PXDN: variants seen among roughly 807,000 people sequenced by gnomAD.
The protein encoded by PXDN is peroxidasin.
Under a neutral mutation model 140.3 loss-of-function variants are expected in PXDN, and 77 were observed. That is an observed-to-expected ratio of 0.55 (90% CI 0.46 to 0.66). PXDN has a LOEUF of 0.66. Ranked by LOEUF, PXDN falls within the 30% of genes least tolerant of loss-of-function variation. The probability of loss-of-function intolerance (pLI) is 0.00; values close to 1 mark genes in which losing one functional copy is unlikely to be tolerated. For synonymous variants in PXDN, 911 were observed against 857.4 expected, an observed-to-expected ratio of 1.06 and a Z score of -1.09; for missense variants, 1,838 against 2,039.5, an observed-to-expected ratio of 0.90 and a Z score of 1.90.
At chr2:1,670,692 A>G (rs1322075720) in intron 9 of PXDN, among the ~76,000 whole-genome samples, 1 of 152,188 alleles carries the variant, frequency 6.6e-6, no homozygotes, top group Non-Finnish European at 1.5e-5. Flanking sequence ...GCAGACCCTT[A>G]TAACTTAAAT....
At chr2:1,741,078 C>A (rs1371250186) in intron 1 of PXDN, among the ~76,000 whole-genome samples, 2 of 152,108 alleles carry the variant, frequency 1.3e-5, no homozygotes, top group Non-Finnish European at 2.9e-5. Context: ...ACCGTGGCGG[C>A]TCCAGGGAAG....
rs2125446891 is a variant in PXDN at position 1,687,387 on chromosome 2, TGCC to T, written c.416+242_416+244del. Among the ~76,000 whole-genome samples, 1 of 150,972 alleles carries T rather than the reference TGCC, an allele frequency of 6.6e-6. No homozygotes were observed. The highest frequency in any genetic ancestry group is 2.0e-4 in the East Asian group (1 of 5,112). Reference sequence around the variant, plus strand: ...CAGGAAAGCATGGCCCAGGGCCTGGTGCCGCCGTAAGGAAACCAGGGATACGTC... The same window carrying T: ...CAGGAAAGCATGGCCCAGGGCCTGGTGCCGTAAGGAAACCAGGGATACGTC... On this transcript the variant is annotated intron_variant, in intron 4 of 22. Transcript: ENST00000252804. The surrounding 1 kb of genome is among the most constrained non-coding windows in gnomAD (Gnocchi z 4.0).
At chr2:1,682,814 C>T (rs895455300) in intron 6 of PXDN, among the ~76,000 whole-genome samples, 3 of 152,104 alleles carry the variant, frequency 2.0e-5, no homozygotes, top group South Asian at 2.1e-4. Flanking sequence ...GTCGCACGCG[C>T]CTGTAATCCC....
chr2:1,666,526 G>T (rs369591666), intron 9 of PXDN, 40 bp from the exon 10 acceptor site: 1 of 1,540,692 alleles, frequency 6.5e-7, no homozygotes, highest in South Asian at 1.3e-5. Context: ...AATTTCTCCC[G>T]GTTTGACATG....
At chr2:1,643,006 C>T (rs1682763954) in intron 19 of PXDN, among the ~76,000 whole-genome samples, 2 of 152,198 alleles carry the variant, frequency 1.3e-5, no homozygotes, top group East Asian at 3.8e-4. Flanking sequence ...ATGCTTCTTC[C>T]ATATTTTGAT....
At chr2:1,729,045 T>C (rs1409382603) in intron 1 of PXDN, among the ~76,000 whole-genome samples, 1 of 152,064 alleles carries the variant, frequency 6.6e-6, no homozygotes, top group Admixed American at 6.6e-5. Flanking sequence ...CCGGTGTGAC[T>C]ATGGGTCTGG....
chr2:1,721,428 A>T (rs1201377151), intron 1 of PXDN, among the ~76,000 whole-genome samples: 1 of 152,224 alleles, frequency 6.6e-6, no homozygotes, highest in African/African-American at 2.4e-5. Flanking sequence ...CTGGGCATTC[A>T]TCCAGGATTC....
In PXDN at chr2:1,651,299, G is replaced by A. The variant is rs938660495; in HGVS notation, c.2105-1624C>T. ...TTCCTCCAGAATGTTCACTTTTTCC[G>A]TGGCGTTGGCCATTGGTTCAGAGGC... On this transcript the variant is annotated intron_variant, in intron 16 of 22. Transcript: ENST00000252804. This position sits in a 1 kb window ranked among gnomAD's most constrained non-coding sequence, Gnocchi z 4.4. Among the ~76,000 whole-genome samples, 1 of 152,134 alleles carries A rather than the reference G, an allele frequency of 6.6e-6. No homozygotes were observed. The highest frequency in any genetic ancestry group is 2.4e-5 in the African/African-American group (1 of 41,412).
chr2:1,653,769 T>A lies in PXDN; in HGVS notation c.1963A>T (p.Asn655Tyr). ...HLFDSRPRSP[N>Y]DLLALFRYPR... ...TACCGGAACAAGGCCAGCAAATCAT[T>A]TGGAGAACGAGGACGGCTAACCAGA... The change falls in exon 16 of 23, where the codon AAT becomes TAT. Residue 655 changes from asparagine (N) to tyrosine (Y), a missense_variant. By Grantham distance (143) the Asn-to-Tyr change is moderately radical. This residue lies in a region of PXDN where 537 missense variants were observed against 583.9 expected (regional missense o/e 0.92). Transcript: ENST00000252804. 1 of 1,579,970 alleles carries A rather than the reference T, an allele frequency of 6.3e-7. No individual in the cohort carries two copies. Among genetic ancestry groups the A allele is most frequent in the East Asian group, 2.3e-5 (1 of 43,410 alleles).
chr2:1,676,955 TG>T lies in PXDN; in HGVS notation c.819del (p.Lys274SerfsTer13). On this transcript the variant is annotated frameshift_variant, in exon 8 of 23. Coordinates refer to ENST00000252804, the MANE Select transcript of PXDN (RefSeq NM_012293.3). LOFTEE classifies it high-confidence loss of function. ...VYFTCRAEGN[P>X]KPEIIWLRNN... is the part of the protein sequence containing the mutation. ...TTTCGCAGCCAGATGATCTCAGGCT[TG>T]GGGTTGCCTTCGGCTCTGCAGGTGA... The T allele has an allele frequency of 1.2e-6, 2 of 1,612,812 alleles. No individual in the cohort carries two copies. Among genetic ancestry groups the T allele is most frequent in the Non-Finnish European group, 1.7e-6 (2 of 1,179,506 alleles).
At chr2:1,642,494 G>A (rs1682751647) in intron 19 of PXDN, among the ~76,000 whole-genome samples, 1 of 152,158 alleles carries the variant, frequency 6.6e-6, no homozygotes, top group Non-Finnish European at 1.5e-5. Context: ...GTGAGGCCGG[G>A]ATCTGGCCCC....
At chr2:1,731,438 C>T (rs780670571) in intron 1 of PXDN, among the ~76,000 whole-genome samples, 3 of 152,174 alleles carry the variant, frequency 2.0e-5, no homozygotes, top group Non-Finnish European at 4.4e-5. Flanking sequence ...GCATCAGCTC[C>T]GAGCAGGTGG....
At chr2:1,665,963 C>T (rs1179211860) in intron 10 of PXDN, among the ~76,000 whole-genome samples, 1 of 152,218 alleles carries the variant, frequency 6.6e-6, no homozygotes, top group Non-Finnish European at 1.5e-5. Context: ...CTCCTGCTGG[C>T]CAGGTGCTGG....
intron 1 of PXDN, among the ~76,000 whole-genome samples, chr2:1,734,514 T>C (rs1685386624): frequency 6.6e-6 from 1 of 152,210 alleles, no homozygotes; most frequent in African/African-American, 2.4e-5. Context: ...CCCAAAAGGT[T>C]TCTCTGTAGT....
intron 2 of PXDN, chr2:1,692,550 G>A (rs1244651529): frequency 2.1e-6 from 1 of 471,950 alleles, no homozygotes; most frequent in Admixed American, 2.3e-5. Context: ...CAGTCCTGGT[G>A]CAGAAGGGAA....
intron 9 of PXDN, chr2:1,669,973 A>C (rs925892565): frequency 6.6e-6 from 1 of 152,218 alleles, no homozygotes; most frequent in Non-Finnish European, 1.5e-5. Flanking sequence ...ATTTGTTTGC[A>C]AAACTGGATC....
chr2:1,669,299 G>A (rs368817541), intron 9 of PXDN, among the ~76,000 whole-genome samples: 151 of 152,198 alleles, frequency 9.9e-4, no homozygotes, highest in Non-Finnish European at 1.4e-3. Flanking sequence ...AGGGCCTGTC[G>A]GGGGGTTGGG....
chr2:1,678,945 T>C (rs1326950918), intron 7 of PXDN, among the ~76,000 whole-genome samples: 1 of 152,150 alleles, frequency 6.6e-6, no homozygotes, highest in Non-Finnish European at 1.5e-5. Flanking sequence ...CGCTCAGTTC[T>C]AACTGCCCCT....
chr2:1,692,094 T>C (rs769477313), intron 2 of PXDN, 95 bp from the exon 3 acceptor site: 14 of 903,346 alleles, frequency 1.5e-5, no homozygotes, highest in African/African-American at 3.4e-5. Flanking sequence ...AAAGGTCACA[T>C]TGACAATTCA....
Sources: gnomAD v4.1 joint callset for allele counts (sites outside exome capture counted in the v4.1 genomes callset) on GRCh38, gnomAD v4.1.1 for gene constraint, gnomAD v4.1.1 regional missense constraint, Gnocchi (gnomAD v3.1) non-coding constraint, MANE v1.5 for transcripts, NCBI Gene and HGNC (gene_info 2026-07-23, HGNC 2026-07-21) for gene names.